The following PKHD1 variants were observed in gnomAD, a reference collection of about 807,000 sequenced individuals.
The protein encoded by PKHD1 is PKHD1 ciliary IPT domain containing fibrocystin/polyductin.
Under a neutral mutation model 412.0 loss-of-function variants are expected in PKHD1, and 291 were observed. The observed-to-expected ratio is 0.71, with a 90% CI of 0.64 to 0.78. The LOEUF (loss-of-function observed/expected upper bound fraction) is 0.78, where lower values mean the gene tolerates loss of function less well. Among genes scored for constraint, PKHD1 ranks in the 30% least tolerant of loss-of-function variants. The pLI, the probability that PKHD1 is intolerant of heterozygous loss-of-function variation, is 0.00. For synonymous variants in PKHD1, 1,777 were observed against 1,821.5 expected (o/e 0.98, Z 0.62); for missense variants, 4,825 against 4,950.7 (o/e 0.97, Z 0.76).
chr6:51,765,241 A>G (rs1479449639), intron 55 of PKHD1, among the ~76,000 whole-genome samples: 1 of 151,848 alleles, frequency 6.6e-6, no homozygotes, highest in Non-Finnish European at 1.5e-5. Context: ...CCAGAGTCCC[A>G]GATACATGAT....
chr6:51,716,669 T>C (rs1474307936), intron 60 of PKHD1, among the ~76,000 whole-genome samples: 1 of 151,718 alleles, frequency 6.6e-6, no homozygotes, highest in Non-Finnish European at 1.5e-5. Flanking sequence ...TATTCCCTTA[T>C]TCCATTGGAC....
chr6:52,045,614 G>C (rs1343783215), intron 24 of PKHD1, among the ~76,000 whole-genome samples: 1 of 152,162 alleles, frequency 6.6e-6, no homozygotes, highest in Non-Finnish European at 1.5e-5. Context: ...AGAGCATCTG[G>C]TTTTGTCATT....
At chr6:51,837,421 A>G (rs1177750213) in intron 50 of PKHD1, among the ~76,000 whole-genome samples, 1 of 152,116 alleles carries the variant, frequency 6.6e-6, no homozygotes, top group Non-Finnish European at 1.5e-5. Flanking sequence ...TATAAAACAT[A>G]AGCAGCCAGG....
At chr6:52,070,877 A>T (rs1810509278) in intron 9 of PKHD1, 129 bp downstream of exon 9, 1 of 709,352 alleles carries the variant, frequency 1.4e-6, no homozygotes, top group Non-Finnish European at 2.6e-6. Context: ...TTTTCCAGGG[A>T]ATTCTTAACA....
intron 46 of PKHD1, among the ~76,000 whole-genome samples, chr6:51,881,026 TA>T (rs1777239363): frequency 6.7e-6 from 1 of 148,328 alleles, no homozygotes; most frequent in Admixed American, 6.7e-5. Flanking sequence ...AGACAGAGGC[TA>T]AAATCAGAGT....
chr6:52,052,563 TAC>T (rs1230520785), intron 21 of PKHD1, among the ~76,000 whole-genome samples: 1 of 152,200 alleles, frequency 6.6e-6, no homozygotes, highest in Non-Finnish European at 1.5e-5. Context: ...TTGGCCCATT[TAC>T]AGAGACAGAC....
At chr6:51,807,932 T>C (rs1764100338) in intron 52 of PKHD1, among the ~76,000 whole-genome samples, 1 of 151,936 alleles carries the variant, frequency 6.6e-6, no homozygotes, top group Non-Finnish European at 1.5e-5. Flanking sequence ...GACTAGGGAG[T>C]TATAGCCTAA....
chr6:52,083,811 T>C (rs1812377932), intron 2 of PKHD1, among the ~76,000 whole-genome samples: 1 of 152,072 alleles, frequency 6.6e-6, no homozygotes, highest in Non-Finnish European at 1.5e-5. Context: ...ATAGAAGCTG[T>C]TCCTATTTCA....
Position 51,847,940 on chromosome 6 carries a change from C to T in PKHD1, c.7942G>A (p.Gly2648Ser), listed in dbSNP as rs139555370. 1.3e-3 allele frequency: 2,150 copies of T among 1,613,928 alleles called. 33 individuals are homozygous for T. In the Admixed American group the frequency reaches 0.029, roughly 22 times the overall value. The change falls in exon 50 of 67, where the codon GGT (glycine) becomes AGT (serine). Residue 2648 changes from glycine (G) to serine (S), a missense_variant. Gly to Ser is a moderately conservative substitution (Grantham distance 56). Coordinates refer to ENST00000371117, the MANE Select transcript of PKHD1 (RefSeq NM_138694.4). ...YSATFDNFAP[G>S]NYLLLVHTDL... ...GTGTGCACCAGCAGTAGGTAATTACCAGGAGCAAAGTTGTCAAAGGTTGCT... is the reference window on the plus strand; with the variant it reads ...GTGTGCACCAGCAGTAGGTAATTACTAGGAGCAAAGTTGTCAAAGGTTGCT...
chr6:51,791,753 G>A (rs2104522), intron 52 of PKHD1, among the ~76,000 whole-genome samples: 89,322 of 152,050 alleles, frequency 0.59, 26,985 homozygotes, highest in East Asian at 0.83. Flanking sequence ...TGGCCTCTGA[G>A]GGAAGACTAT....
chr6:51,640,084 T>G (rs1209752639), intron 63 of PKHD1, among the ~76,000 whole-genome samples: 1 of 152,222 alleles, frequency 6.6e-6, no homozygotes, highest in Non-Finnish European at 1.5e-5. Flanking sequence ...AAATGCAGTT[T>G]ATACTCTTTA....
In PKHD1 at chr6:51,887,234, C is replaced by T. The variant is rs1406265397; in HGVS notation, c.7008G>A (p.Val2336=). The change falls in exon 44 of 67, where the codon GTG becomes GTA. Residue 2336 remains valine, a synonymous_variant. Coordinates refer to ENST00000371117, the MANE Select transcript of PKHD1 (RefSeq NM_138694.4). ...AAAAGTAGCCATAGCCAGCACCACA[C>T]ACTCTGTTCCCCTACAGAAATTAAG... ...SPTNVIEGNR[V]CGAGYGYFFH... 1.9e-6 allele frequency: 3 copies of T among 1,603,024 alleles called. No homozygotes were observed. Among genetic ancestry groups the T allele is most frequent in the Non-Finnish European group, 2.6e-6 (3 of 1,169,986 alleles).
At chr6:51,948,412 A>C (rs1266910) in intron 36 of PKHD1, among the ~76,000 whole-genome samples, 107,039 of 152,014 alleles carry the variant, frequency 0.7, 38,201 homozygotes, top group East Asian at 0.94. Context: ...AACATTTGCT[A>C]TCGCTGTGTG....
chr6:51,780,500 T>C (rs1303757794), intron 53 of PKHD1, among the ~76,000 whole-genome samples: 1 of 151,568 alleles, frequency 6.6e-6, no homozygotes, highest in Non-Finnish European at 1.5e-5. Context: ...CTTTGATAAA[T>C]CAATATAAAA....
At chr6:52,068,330 C>G (rs1810060679) in intron 11 of PKHD1, among the ~76,000 whole-genome samples, 1 of 152,148 alleles carries the variant, frequency 6.6e-6, no homozygotes, top group Admixed American at 6.5e-5. Flanking sequence ...GAGTCCTGAT[C>G]CCAAGAAGAC....
At chr6:51,769,761 AG>A (rs1323941692) in intron 55 of PKHD1, among the ~76,000 whole-genome samples, 1 of 151,374 alleles carries the variant, frequency 6.6e-6, no homozygotes, top group Non-Finnish European at 1.5e-5. Flanking sequence ...CAATAAGAAA[AG>A]TTTGTTTGCT....
At chr6:51,627,734 T>C (rs928353640) in intron 65 of PKHD1, among the ~76,000 whole-genome samples, 6 of 152,140 alleles carry the variant, frequency 3.9e-5, no homozygotes, top group African/African-American at 7.2e-5. Flanking sequence ...TACCAAAGAA[T>C]TGAGACCGGT....
intron 35 of PKHD1, among the ~76,000 whole-genome samples, chr6:51,976,193 A>G (rs1794419170): frequency 6.6e-6 from 1 of 152,184 alleles, no homozygotes; most frequent in South Asian, 2.1e-4. Flanking sequence ...GTGCACAGCT[A>G]TGTTCGTAGC....
intron 60 of PKHD1, among the ~76,000 whole-genome samples, chr6:51,675,500 C>T (rs1775692934): frequency 6.6e-6 from 1 of 152,060 alleles, no homozygotes; most frequent in East Asian, 1.9e-4. Context: ...TTACAATTTA[C>T]CACTAAACAC....
Sources: allele counts gnomAD v4.1 joint callset (sites outside exome capture counted in the v4.1 genomes callset), GRCh38; gene constraint gnomAD v4.1.1; transcripts MANE v1.5; gene names NCBI Gene and HGNC (gene_info 2026-07-23, HGNC 2026-07-21).